CATSPER3: variants seen among roughly 807,000 people sequenced by gnomAD.
CATSPER3 encodes cation channel sperm associated 3.
Under a neutral mutation model 36.6 loss-of-function variants are expected in CATSPER3, and 23 were observed. The observed-to-expected ratio is 0.63, with a 90% confidence interval of 0.45 to 0.89. The LOEUF is 0.89. Ranked by LOEUF, CATSPER3 falls within the 40% of genes least tolerant of loss-of-function variation. The pLI is 0.00. For missense variants in CATSPER3, 474 were observed against 503.9 expected (o/e 0.94, Z 0.57); for synonymous variants, 172 against 184.1 (o/e 0.93, Z 0.53).
At chr5:134,984,496 G>A (rs1580906237) in intron 2 of CATSPER3, among the ~76,000 whole-genome samples, 1 of 151,970 alleles carries the variant, frequency 6.6e-6, no homozygotes, top group East Asian at 1.9e-4. Flanking sequence ...TACACAAATG[G>A]CCAACAAACA....
At chr5:135,000,962 G>T (rs748405242) in intron 3 of CATSPER3, among the ~76,000 whole-genome samples, 17 of 152,070 alleles carry the variant, frequency 1.1e-4, no homozygotes, top group Admixed American at 3.9e-4. Context: ...CTTGCCTTCT[G>T]CTAGCTTTTG....
At chr5:134,977,908 G>A (rs1356554776) in intron 2 of CATSPER3, among the ~76,000 whole-genome samples, 1 of 152,114 alleles carries the variant, frequency 6.6e-6, no homozygotes, top group African/African-American at 2.4e-5. Context: ...GAGAGAGAGA[G>A]CAAGAGAGAG....
intron 2 of CATSPER3, among the ~76,000 whole-genome samples, chr5:134,970,735 G>A (rs1751594555): frequency 6.6e-6 from 1 of 151,472 alleles, no homozygotes; most frequent in Non-Finnish European, 1.5e-5. Context: ...TCATGCTTGG[G>A]TAATTTTTGT....
intron 2 of CATSPER3, among the ~76,000 whole-genome samples, chr5:134,980,720 C>T (rs1423767870): frequency 5.9e-5 from 9 of 151,992 alleles, no homozygotes; most frequent in African/African-American, 2.2e-4. Context: ...TGAGCCACCA[C>T]GCCTGGCCCC....
At chr5:134,983,416 TC>T (rs1335291586) in intron 2 of CATSPER3, among the ~76,000 whole-genome samples, 1 of 152,056 alleles carries the variant, frequency 6.6e-6, no homozygotes, top group Admixed American at 6.6e-5. Context: ...ACGCCTGTAG[TC>T]CCAGCTACCC....
At chr5:134,987,850 T>C (rs1410869283) in intron 2 of CATSPER3, among the ~76,000 whole-genome samples, 1 of 152,202 alleles carries the variant, frequency 6.6e-6, no homozygotes, top group Non-Finnish European at 1.5e-5. Context: ...TCAGACTTAA[T>C]TGAGAAAGAC....
intron 3 of CATSPER3, among the ~76,000 whole-genome samples, chr5:135,006,394 C>T (rs1335603099): frequency 1.3e-5 from 2 of 152,228 alleles, no homozygotes; most frequent in African/African-American, 4.8e-5. Flanking sequence ...GCTTTGGATT[C>T]TACCACCCAG....
Position 134,996,294 on chromosome 5 carries a change from T to C in CATSPER3, c.274T>C (p.Ser92Pro). 3.1e-6 allele frequency: 5 copies of C among 1,614,244 alleles called. No homozygotes were observed. Among genetic ancestry groups the C allele is most frequent in the Non-Finnish European group, 4.2e-6 (5 of 1,180,040 alleles). ...LLEFSEIFFV[S>P]ICTSELSMKV... is the part of the protein sequence containing the mutation. ...GTAGTTCTCGGAGATCTTCTTTGTG[T>C]CCATCTGCACATCTGAGTTGTCCAT... The change falls in exon 3 of 8, where the codon TCC becomes CCC. Residue 92 changes from serine to proline, a missense_variant. Ser to Pro is a moderately conservative substitution (Grantham distance 74). Coordinates refer to ENST00000282611, the MANE Select transcript of CATSPER3 (RefSeq NM_178019.3).
At chr5:134,971,166 G>C (rs546518939) in intron 2 of CATSPER3, among the ~76,000 whole-genome samples, 2 of 152,166 alleles carry the variant, frequency 1.3e-5, no homozygotes, top group East Asian at 3.9e-4. Flanking sequence ...AGCCAGGATG[G>C]TCTCAATCTC....
chr5:134,982,447 C>T (rs1043374345), intron 2 of CATSPER3, among the ~76,000 whole-genome samples: 1 of 152,044 alleles, frequency 6.6e-6, no homozygotes, highest in African/African-American at 2.4e-5. Flanking sequence ...TTGAAAACAG[C>T]AAGGGATAAG....
chr5:134,984,757 A>G (rs1181584879), intron 2 of CATSPER3, among the ~76,000 whole-genome samples: 2 of 152,170 alleles, frequency 1.3e-5, no homozygotes, highest in Non-Finnish European at 2.9e-5. Flanking sequence ...TCAATCCAGC[A>G]ATCCCACTAC....
chr5:134,981,011 G>A (rs1045340525), intron 2 of CATSPER3, among the ~76,000 whole-genome samples: 13 of 152,214 alleles, frequency 8.5e-5, no homozygotes, highest in Middle Eastern at 3.4e-3. Flanking sequence ...GAGTTACAAT[G>A]CCTGGCCTTT....
At chr5:135,009,299 G>A (rs1752146302) in intron 5 of CATSPER3, 72 bp from the exon 6 acceptor site, 2 of 1,519,482 alleles carry the variant, frequency 1.3e-6, no homozygotes, top group Non-Finnish European at 1.8e-6. Flanking sequence ...GTGCAAGACT[G>A]GGGAAGAGGA....
At chr5:134,972,669 A>G (rs1231978572) in intron 2 of CATSPER3, among the ~76,000 whole-genome samples, 1 of 152,202 alleles carries the variant, frequency 6.6e-6, no homozygotes, top group African/African-American at 2.4e-5. Flanking sequence ...TGTAATGACA[A>G]TAGGAGCCCC....
chr5:134,979,086 A>G (rs1751717144), intron 2 of CATSPER3, among the ~76,000 whole-genome samples: 1 of 152,082 alleles, frequency 6.6e-6, no homozygotes, highest in Non-Finnish European at 1.5e-5. Flanking sequence ...TCCTGAAGAC[A>G]GCAGCTCACA....
At position 135,008,932 on chromosome 5, in the gene CATSPER3, C is replaced by G. The variant is rs748830278; in HGVS notation, c.767C>G (p.Ser256Cys). Residue 256 changes from serine to cysteine, a missense_variant, in exon 5 of 8, where the codon TCT becomes TGT. Physicochemically the swap from Ser to Cys is moderately radical, Grantham distance 112. Transcript: ENST00000282611. ...ACCATCATCTTCATCTTGCTCGCCT[C>G]TTTCATCTTCCTCAACATGTTCGTG... is the stretch of plus-strand genomic sequence containing the variant. ...AFTIIFILLASFIFLNMFVGV... is the reference protein window; with the variant it reads ...AFTIIFILLACFIFLNMFVGV... 6.2e-7 allele frequency: 1 copy of G among 1,614,020 alleles called. No individual in the cohort carries two copies. Among genetic ancestry groups the G allele is most frequent in the Non-Finnish European group, 8.5e-7 (1 of 1,179,926 alleles).
At chr5:134,994,875 A>G (rs893130111) in intron 2 of CATSPER3, among the ~76,000 whole-genome samples, 1 of 151,616 alleles carries the variant, frequency 6.6e-6, no homozygotes, top group Non-Finnish European at 1.5e-5. Context: ...TTTTGTCTCA[A>G]TTCCTGGCTT....
At chr5:134,974,998 G>A (rs959427031) in intron 2 of CATSPER3, 3 of 152,120 alleles carry the variant, frequency 2.0e-5, no homozygotes, top group Non-Finnish European at 4.4e-5. Flanking sequence ...GTGATGGGCA[G>A]ACTTTGGAGT....
chr5:135,009,125 C>T (rs1752144161), intron 5 of CATSPER3, 144 bp downstream of exon 5: 9 of 1,164,286 alleles, frequency 7.7e-6, no homozygotes, highest in South Asian at 5.0e-5. Flanking sequence ...ACCTGTCCCT[C>T]ACCCGGCCCA....
Sources: allele counts gnomAD v4.1 joint callset (sites outside exome capture counted in the v4.1 genomes callset), GRCh38; gene constraint gnomAD v4.1.1; transcripts MANE v1.5; gene names NCBI Gene and HGNC (gene_info 2026-07-23, HGNC 2026-07-21).